The following KIAA1549L variants were observed in gnomAD, a reference collection of about 807,000 sequenced individuals.
KIAA1549L encodes UPF0606 protein KIAA1549L.
A neutral mutation model predicts 160.7 loss-of-function variants in KIAA1549L; 88 were observed. The ratio of observed to expected loss-of-function variants is 0.55; its 90% confidence interval spans 0.46 to 0.65. The LOEUF is 0.65. Among genes scored for constraint, KIAA1549L ranks in the 30% least tolerant of loss-of-function variants. The pLI is 0.00. For missense variants in KIAA1549L, 2,258 were observed against 2,437.5 expected (o/e 0.93, Z 1.55); for synonymous variants, 950 against 976.7 (o/e 0.97, Z 0.51).
At chr11:33,642,950 T>C (rs1590431663) in intron 16 of KIAA1549L, among the ~76,000 whole-genome samples, 1 of 151,946 alleles carries the variant, frequency 6.6e-6, no homozygotes, top group Non-Finnish European at 1.5e-5. Flanking sequence ...AGAGGTGAAA[T>C]GGGTTCAGGG....
chr11:33,440,795 G>A (rs138224967), intron 1 of KIAA1549L, among the ~76,000 whole-genome samples: 1 of 152,168 alleles, frequency 6.6e-6, no homozygotes, highest in Admixed American at 6.5e-5. Flanking sequence ...GTGAGGGCAT[G>A]CTAGTTATAA....
chr11:33,435,739 CAGAGAA>C (rs1406013789), intron 1 of KIAA1549L, among the ~76,000 whole-genome samples: 1 of 118,944 alleles, frequency 8.4e-6, no homozygotes, highest in African/African-American at 3.2e-5. Flanking sequence ...CTAGGCCTTC[CAGAGAA>C]ACAGAACCAA....
intron 1 of KIAA1549L, among the ~76,000 whole-genome samples, chr11:33,452,569 C>G (rs1174727814): frequency 2.0e-5 from 3 of 152,296 alleles, no homozygotes; most frequent in Non-Finnish European, 4.4e-5. Flanking sequence ...GATCGCACCA[C>G]TGCACGCCAG....
chr11:33,417,964 A>C (rs1220577898), intron 1 of KIAA1549L, among the ~76,000 whole-genome samples: 2 of 152,124 alleles, frequency 1.3e-5, no homozygotes, highest in Non-Finnish European at 2.9e-5. Flanking sequence ...TTTTTAGTAG[A>C]GACAGGGTTT....
At position 33,543,112 on chromosome 11, in the gene KIAA1549L, C is replaced by T; in HGVS notation, c.1549C>T (p.Pro517Ser). The change falls in exon 2 of 21, where the codon CCA becomes TCA. Residue 517 changes from proline to serine, a missense_variant. By Grantham distance (74) the Pro-to-Ser change is moderately conservative. Coordinates refer to ENST00000658780, the MANE Select transcript of KIAA1549L (RefSeq NM_012194.3). ...CCAGCCCACAGAGAATCATGCCTCCCCATCTCCTGTGCCAGAAATGCCCAC... is the reference window on the plus strand; with the variant it reads ...CCAGCCCACAGAGAATCATGCCTCCTCATCTCCTGTGCCAGAAATGCCCAC... Reference protein sequence around the residue: ...FLQPTENHASPSPVPEMPTLP... With the variant: ...FLQPTENHASSSPVPEMPTLP... 6.2e-7 allele frequency: 1 copy of T among 1,613,904 alleles called. No homozygotes were observed. The highest frequency in any genetic ancestry group is 1.1e-5 in the South Asian group (1 of 91,088).
chr11:33,553,132 A>G (rs113463919), intron 6 of KIAA1549L, among the ~76,000 whole-genome samples: 197 of 152,308 alleles, frequency 1.3e-3, no homozygotes, highest in African/African-American at 4.4e-3. Context: ...TGCTCTAAAC[A>G]GCCCTTTTAA....
chr11:33,614,565 TATATATATATATATATATA>T lies in KIAA1549L; in HGVS notation c.5280-3967_5280-3949del, dbSNP rs1223259413. 3.2e-3 allele frequency among the ~76,000 whole-genome samples: 60 copies of T among 18,698 alleles called. 1 individual carries two copies. Among genetic ancestry groups the T allele is most frequent in the African/African-American group, 0.012 (26 of 2,236 alleles). 12.3% of individuals were successfully genotyped at this position (18,698 alleles called of 152,430 possible). ...ATATATATATATATATATATATATATATATATATATATATATATATTTTTTTTTTTTTTTTTTTTTTTTT... is the reference window on the plus strand; with the variant it reads ...ATATATATATATATATATATATATATTTTTTTTTTTTTTTTTTTTTTTTTT... On this transcript the variant is annotated intron_variant, in intron 15 of 20. Coordinates refer to ENST00000658780, the MANE Select transcript of KIAA1549L (RefSeq NM_012194.3).
At chr11:33,490,178 G>C (rs1056370977) in intron 1 of KIAA1549L, among the ~76,000 whole-genome samples, 2 of 152,144 alleles carry the variant, frequency 1.3e-5, no homozygotes, top group African/African-American at 4.8e-5. Flanking sequence ...GTCCCATTTT[G>C]CTATTAATAG....
intron 16 of KIAA1549L, among the ~76,000 whole-genome samples, chr11:33,638,449 TAAATA>T (rs1564935631): frequency 5.2e-5 from 1 of 19,366 alleles, no homozygotes; most frequent in Non-Finnish European, 8.5e-5. Context: ...AATAAATAAA[TAAATA>T]AATAAAATAC....
At chr11:33,591,442 T>C in intron 12 of KIAA1549L, 21 bp downstream of exon 12, 2 of 1,564,770 alleles carry the variant, frequency 1.3e-6, no homozygotes, top group East Asian at 2.3e-5. Flanking sequence ...GGCTGACTTC[T>C]GCCTCTCTGT....
chr11:33,409,360 T>C (rs1288492079), intron 1 of KIAA1549L, among the ~76,000 whole-genome samples: 1 of 152,174 alleles, frequency 6.6e-6, no homozygotes, highest in Non-Finnish European at 1.5e-5. Flanking sequence ...TAGAAAACAA[T>C]AACAGATGAC....
rs143734624 is a variant in KIAA1549L at position 33,664,081 on chromosome 11, A to C, written c.6159+3067A>C. Among the ~76,000 whole-genome samples the C allele has an allele frequency of 1.6e-4, 24 of 152,290 alleles. No individual in the cohort carries two copies. The East Asian group carries it at 4.6e-3, about 29-fold the overall frequency. ...AACTCTGGTTTTCCTCTAAGATACA[A>C]ATGAAACATATCAGTGCTTGTATAT... On this transcript the variant is annotated intron_variant, in intron 20 of 20. Coordinates refer to ENST00000658780, the MANE Select transcript of KIAA1549L (RefSeq NM_012194.3).
intron 1 of KIAA1549L, among the ~76,000 whole-genome samples, chr11:33,409,565 A>G (rs1376831169): frequency 6.6e-6 from 1 of 152,212 alleles, no homozygotes; most frequent in African/African-American, 2.4e-5. Context: ...AGAATCAAGT[A>G]AGAAGGTGAC....
chr11:33,649,176 A>C (rs1403080421), intron 17 of KIAA1549L, among the ~76,000 whole-genome samples: 2 of 152,038 alleles, frequency 1.3e-5, no homozygotes, highest in African/African-American at 4.8e-5. Context: ...GGCTCTGATG[A>C]GAACTTGAAT....
chr11:33,406,899 T>C (rs1385038752), intron 1 of KIAA1549L, among the ~76,000 whole-genome samples: 1 of 152,162 alleles, frequency 6.6e-6, no homozygotes, highest in African/African-American at 2.4e-5. Flanking sequence ...GCTCCAGCCC[T>C]CCTGTTGCCT....
chr11:33,615,805 C>A (rs1590400675), intron 15 of KIAA1549L, among the ~76,000 whole-genome samples: 1 of 152,350 alleles, frequency 6.6e-6, no homozygotes, highest in Non-Finnish European at 1.5e-5. Flanking sequence ...CACCACCACC[C>A]TTATTAGTAA....
At chr11:33,465,248 T>C (rs1852031085) in intron 1 of KIAA1549L, among the ~76,000 whole-genome samples, 1 of 151,694 alleles carries the variant, frequency 6.6e-6, no homozygotes, top group South Asian at 2.1e-4. Context: ...GGAGACGGGG[T>C]TCACCATGTT....
At position 33,658,735 on chromosome 11, in the gene KIAA1549L, C is replaced by CT; in HGVS notation, c.5859-14dup. On this transcript the variant is annotated splice_polypyrimidine_tract_variant and intron_variant, in intron 18 of 20. Coordinates refer to ENST00000658780, the MANE Select transcript of KIAA1549L (RefSeq NM_012194.3). ...GTCTGGGACAGTGCTAACGCAGTCC[C>CT]TCTGCCCCATCTAGATCCACCTCAG... 1 of 1,567,844 alleles carries CT rather than the reference C, an allele frequency of 6.4e-7. No individual in the cohort carries two copies. The highest frequency in any genetic ancestry group is 8.6e-7 in the Non-Finnish European group (1 of 1,157,200).
chr11:33,606,284 T>C (rs1270742363), intron 13 of KIAA1549L, among the ~76,000 whole-genome samples: 2 of 152,202 alleles, frequency 1.3e-5, no homozygotes, highest in Non-Finnish European at 2.9e-5. Flanking sequence ...AGTTACAAGG[T>C]TTAGCCAAAC....
Sources: gnomAD v4.1 joint callset for allele counts (sites outside exome capture counted in the v4.1 genomes callset) on GRCh38, gnomAD v4.1.1 for gene constraint, MANE v1.5 for transcripts, NCBI Gene and HGNC (gene_info 2026-07-23, HGNC 2026-07-21) for gene names.